Variants in SIGLEC12 observed in about 807,000 individuals in gnomAD.
The protein encoded by SIGLEC12 is sialic acid binding Ig like lectin 12.
Under a neutral mutation model 54.1 loss-of-function variants are expected in SIGLEC12, and 43 were observed. The observed-to-expected ratio is 0.80, with a 90% CI of 0.62 to 1.03. The LOEUF (loss-of-function observed/expected upper bound fraction) is 1.03, where lower values mean the gene tolerates loss of function less well. SIGLEC12 is among the 50% of genes least tolerant of loss of function. The pLI is 0.00. For missense variants in SIGLEC12, 802 were observed against 735.2 expected, an observed-to-expected ratio of 1.09 and a Z score of -1.05; for synonymous variants, 357 against 307.6, an observed-to-expected ratio of 1.16 and a Z score of -1.68.
chr19:51,492,881 T>G (rs1217970966), intron 7 of SIGLEC12, among the ~76,000 whole-genome samples: 2 of 152,206 alleles, frequency 1.3e-5, no homozygotes, highest in African/African-American at 4.8e-5. Flanking sequence ...TAATCCATGT[T>G]TGTTGTTTGA....
At chr19:51,496,844 G>A in intron 7 of SIGLEC12, 36 bp downstream of exon 7, 2 of 1,606,338 alleles carry the variant, frequency 1.2e-6, no homozygotes, top group African/African-American at 1.3e-5. Flanking sequence ...CTGGGAGAAA[G>A]CAGGGGAGAA....
At chr19:51,494,471 G>A (rs1348399176) in intron 7 of SIGLEC12, among the ~76,000 whole-genome samples, 1 of 152,216 alleles carries the variant, frequency 6.6e-6, no homozygotes, top group Non-Finnish European at 1.5e-5. Context: ...ACAAGCGTTG[G>A]TGAGGATGTG....
Position 51,491,799 on chromosome 19 carries a change from TGTC to T in SIGLEC12, c.1627_1629del (p.Asp543del), listed in dbSNP as rs763026826. ...GCTGGCGGAGCATGGTGTGGGGGGCTGTCATCTGCCGGGGATTCAATCAGGGGT... is the reference window on the plus strand; with the variant it reads ...GCTGGCGGAGCATGGTGTGGGGGGCTATCTGCCGGGGATTCAATCAGGGGT... On this transcript the variant is annotated inframe_deletion, in exon 8 of 8. Transcript: ENST00000291707. 1 of 1,588,876 alleles carries T rather than the reference TGTC, an allele frequency of 6.3e-7. No homozygotes were observed. The highest frequency in any genetic ancestry group is 8.6e-7 in the Non-Finnish European group (1 of 1,167,984).
At chr19:51,498,764 G>C (rs1332445134) in intron 4 of SIGLEC12, among the ~76,000 whole-genome samples, 1 of 152,212 alleles carries the variant, frequency 6.6e-6, no homozygotes, top group African/African-American at 2.4e-5. Flanking sequence ...AGGACAGCCT[G>C]GACAGACCCT....
chr19:51,496,005 G>A (rs183781218), intron 7 of SIGLEC12, among the ~76,000 whole-genome samples: 121 of 152,336 alleles, frequency 7.9e-4, no homozygotes, highest in African/African-American at 2.8e-3. Flanking sequence ...GGAGTCCAGC[G>A]TTGATGGAGC....
At chr19:51,493,681 T>G (rs1448140407) in intron 7 of SIGLEC12, among the ~76,000 whole-genome samples, 1 of 152,162 alleles carries the variant, frequency 6.6e-6, no homozygotes, top group African/African-American at 2.4e-5. Context: ...GTACACCCAA[T>G]CTATTGGCAA....
chr19:51,501,141 A>T (rs917822654), intron 1 of SIGLEC12, among the ~76,000 whole-genome samples, 166 bp downstream of exon 1: 2 of 152,192 alleles, frequency 1.3e-5, no homozygotes, highest in African/African-American at 4.8e-5. Context: ...TTGCAGGATC[A>T]GGAGGGGCAT....
chr19:51,499,810 G>T, intron 2 of SIGLEC12, 94 bp from the exon 3 acceptor site: 2 of 1,554,518 alleles, frequency 1.3e-6, no homozygotes, highest in South Asian at 2.4e-5. Flanking sequence ...CCTCCCCTGA[G>T]CCAGATATGC....
intron 7 of SIGLEC12, among the ~76,000 whole-genome samples, chr19:51,492,977 G>A (rs570915231): frequency 3.4e-4 from 52 of 152,284 alleles, no homozygotes; most frequent in Non-Finnish European, 6.2e-4. Flanking sequence ...AGGCTGCCTG[G>A]GAGGCTTCTC....
At chr19:51,500,707 G>A (rs1410467722) in intron 1 of SIGLEC12, among the ~76,000 whole-genome samples, 1 of 151,828 alleles carries the variant, frequency 6.6e-6, no homozygotes, top group African/African-American at 2.4e-5. Flanking sequence ...GGTCCCTCCT[G>A]TCTTTTGAGC....
intron 1 of SIGLEC12, 47 bp from the exon 2 acceptor site, chr19:51,500,347 A>C: frequency 6.2e-7 from 1 of 1,613,828 alleles, no homozygotes. Flanking sequence ...CCCTCTCTTC[A>C]TTTGCCCATA....
At chr19:51,492,235 G>A (rs531486758) in intron 7 of SIGLEC12, among the ~76,000 whole-genome samples, 4 of 152,244 alleles carry the variant, frequency 2.6e-5, no homozygotes, top group East Asian at 1.9e-4. Flanking sequence ...TGGTGGACAC[G>A]GTAGGCATGG....
chr19:51,496,658 G>A (rs182053004), intron 7 of SIGLEC12, among the ~76,000 whole-genome samples: 1 of 152,288 alleles, frequency 6.6e-6, no homozygotes, highest in East Asian at 1.9e-4. Flanking sequence ...AAGAGGCAGG[G>A]AGGTGAGGAG....
chr19:51,497,627 C>T (rs1990277560), intron 5 of SIGLEC12, among the ~76,000 whole-genome samples, 182 bp from the exon 6 acceptor site: 1 of 152,144 alleles, frequency 6.6e-6, no homozygotes, highest in African/African-American at 2.4e-5. Context: ...TGCAGTCTGC[C>T]TTTATTTAAA....
chr19:51,491,777 G>C lies in SIGLEC12; in HGVS notation c.1652C>G (p.Pro551Arg). Residue 551 changes from proline to arginine, a missense_variant, in exon 8 of 8, where the codon CCA becomes CGA. Physicochemically the swap from Pro to Arg is moderately radical, Grantham distance 103 (BLOSUM62 -2). Coordinates refer to ENST00000291707, the MANE Select transcript of SIGLEC12 (RefSeq NM_053003.4). Reference sequence around the variant, plus strand: ...CTCTGGGGAGGGGGTGGCCAGGGCTGGCGGAGCATGGTGTGGGGGGCTGTC... The same window carrying C: ...CTCTGGGGAGGGGGTGGCCAGGGCTCGCGGAGCATGGTGTGGGGGGCTGTC... ...ADDSPPHHAP[P>R]ALATPSPEEG... The C allele has an allele frequency of 6.2e-7, 1 of 1,607,126 alleles. No individual in the cohort carries two copies. The highest frequency in any genetic ancestry group is 8.5e-7 in the Non-Finnish European group (1 of 1,176,450).
chr19:51,491,730 A>T lies in SIGLEC12; in HGVS notation c.1699T>A (p.Ser567Thr), dbSNP rs753397989. 7 of 1,613,276 alleles carry T rather than the reference A, an allele frequency of 4.3e-6. No individual in the cohort carries two copies. In the African/African-American group the frequency reaches 9.4e-5, roughly 22 times the overall value. Residue 567 changes from serine (S) to threonine (T), a missense_variant, in exon 8 of 8, where the codon TCC (serine) becomes ACC (threonine). Coordinates refer to ENST00000291707, the MANE Select transcript of SIGLEC12 (RefSeq NM_053003.4). ...GGCCTCGCTTTGTGGAAGCTGAGGG[A>T]TGCATACTGGATCTCTCCTTCCTCT... The part of the protein sequence containing the change: ...SPEEGEIQYA[S>T]LSFHKARPQY...
chr19:51,495,337 A>G (rs1307018371), intron 7 of SIGLEC12, among the ~76,000 whole-genome samples: 3 of 85,088 alleles, frequency 3.5e-5, no homozygotes, highest in South Asian at 4.9e-4. Flanking sequence ...GGATGGATGG[A>G]TGGATGGATG....
At position 51,491,430 on chromosome 19, in the gene SIGLEC12, T is replaced by C. The variant is rs1214960223; in HGVS notation, c.*211A>G. On this transcript the variant is annotated 3_prime_UTR_variant, in exon 8 of 8. Coordinates refer to ENST00000291707, the MANE Select transcript of SIGLEC12 (RefSeq NM_053003.4). ...GAGAAGTAGAGAAGAGAATGGTGGGTACCAGAGGCCGGGGGCGGGGAGTGT... is the reference window on the plus strand; with the variant it reads ...GAGAAGTAGAGAAGAGAATGGTGGGCACCAGAGGCCGGGGGCGGGGAGTGT... 5.4e-6 allele frequency: 3 copies of C among 552,842 alleles called. No individual in the cohort carries two copies. The highest frequency in any genetic ancestry group is 9.6e-6 in the Non-Finnish European group (3 of 310,992). The allele number at this position is 552,842 out of a possible 1,614,324, so 34.2% of individuals were successfully genotyped here.
At chr19:51,495,915 G>A (rs1479830235) in intron 7 of SIGLEC12, among the ~76,000 whole-genome samples, 1 of 152,098 alleles carries the variant, frequency 6.6e-6, no homozygotes, top group Non-Finnish European at 1.5e-5. Flanking sequence ...TCAGGGAGTG[G>A]GGAGAAAAAA....
Sources: allele counts gnomAD v4.1 joint callset (sites outside exome capture counted in the v4.1 genomes callset), GRCh38; gene constraint gnomAD v4.1.1; transcripts MANE v1.5; gene names NCBI Gene and HGNC (gene_info 2026-07-23, HGNC 2026-07-21).